EPHA5: variants seen among roughly 807,000 people sequenced by gnomAD.
EPHA5 encodes ephrin type-A receptor 5.
In EPHA5, 60 loss-of-function variants were observed where a neutral mutation model predicts 105.0. That is an observed-to-expected ratio of 0.57 (90% CI 0.46 to 0.71). The LOEUF is 0.71. EPHA5 is among the 30% of genes least tolerant of loss of function. EPHA5 has a pLI of 0.00. For missense variants in EPHA5, 1,218 were observed against 1,274.7 expected (o/e 0.96, Z 0.68); for synonymous variants, 513 against 449.1 (o/e 1.14, Z -1.80).
chr4:65,419,087 G>T (rs533206372), intron 6 of EPHA5, among the ~76,000 whole-genome samples: 13 of 151,664 alleles, frequency 8.6e-5, no homozygotes, highest in African/African-American at 2.4e-4. Context: ...GTTTCACTAC[G>T]TTGGGCAGGC....
chr4:65,515,632 A>G (rs149412426), intron 3 of EPHA5, among the ~76,000 whole-genome samples: 1 of 152,296 alleles, frequency 6.6e-6, no homozygotes, highest in East Asian at 1.9e-4. Context: ...AATAACTTGC[A>G]GTTAGTATAT....
intron 6 of EPHA5, among the ~76,000 whole-genome samples, chr4:65,418,564 T>TAC (rs1723615702): frequency 6.6e-6 from 1 of 152,182 alleles, no homozygotes; most frequent in South Asian, 2.1e-4. Context: ...TGTGTCATCA[T>TAC]TTATGTTTCG....
intron 8 of EPHA5, among the ~76,000 whole-genome samples, chr4:65,394,305 A>G (rs1721001538): frequency 6.6e-6 from 1 of 152,176 alleles, no homozygotes. Context: ...CTTCCCACAC[A>G]AAAGTTCAAA....
At chr4:65,381,600 T>A (rs1719569434) in intron 8 of EPHA5, among the ~76,000 whole-genome samples, 1 of 151,894 alleles carries the variant, frequency 6.6e-6, no homozygotes, top group African/African-American at 2.4e-5. Flanking sequence ...TGTTCACTTG[T>A]AATTAACACT....
intron 2 of EPHA5, among the ~76,000 whole-genome samples, chr4:65,641,214 T>A (rs1747633456): frequency 6.6e-6 from 1 of 152,180 alleles, no homozygotes; most frequent in African/African-American, 2.4e-5. Flanking sequence ...AATTTTGGCT[T>A]TTCAAGACTA....
intron 11 of EPHA5, among the ~76,000 whole-genome samples, chr4:65,361,698 T>G (rs960082035): frequency 6.6e-6 from 1 of 151,734 alleles, no homozygotes; most frequent in Non-Finnish European, 1.5e-5. Context: ...TGTAGTTGGA[T>G]GTTCTATCTC....
chr4:65,423,169 G>GT (rs1319316880), intron 5 of EPHA5, among the ~76,000 whole-genome samples: 5 of 152,064 alleles, frequency 3.3e-5, no homozygotes, highest in Non-Finnish European at 5.9e-5. Flanking sequence ...TTAATTTAAT[G>GT]TTTTTTCATG....
intron 3 of EPHA5, among the ~76,000 whole-genome samples, chr4:65,573,267 T>C (rs1204997163): frequency 2.0e-5 from 3 of 151,140 alleles, no homozygotes; most frequent in African/African-American, 4.9e-5. Flanking sequence ...AAAAATTAGC[T>C]GGGCGTGGTG....
chr4:65,512,766 C>T (rs28546764), intron 3 of EPHA5, among the ~76,000 whole-genome samples: 95,889 of 151,894 alleles, frequency 0.63, 32,176 homozygotes, highest in East Asian at 0.87. Flanking sequence ...CAGACTAATA[C>T]AACATTTTAA....
chr4:65,368,589 TA>T (rs1189396921), intron 8 of EPHA5, among the ~76,000 whole-genome samples: 1 of 152,154 alleles, frequency 6.6e-6, no homozygotes, highest in African/African-American at 2.4e-5. Flanking sequence ...TCCACATTAC[TA>T]TAAGTGCCTT....
chr4:65,633,001 T>C (rs930765623), intron 2 of EPHA5, among the ~76,000 whole-genome samples: 1 of 152,010 alleles, frequency 6.6e-6, no homozygotes, highest in Admixed American at 6.6e-5. Flanking sequence ...AGGGAAAGTA[T>C]TGGGGGATAT....
chr4:65,662,892 C>T (rs1749670729), intron 1 of EPHA5, among the ~76,000 whole-genome samples: 1 of 152,034 alleles, frequency 6.6e-6, no homozygotes, highest in Non-Finnish European at 1.5e-5. Flanking sequence ...ACCAAAATTC[C>T]AGGCAAGTTA....
At chr4:65,487,400 G>T (rs1171774750) in intron 5 of EPHA5, among the ~76,000 whole-genome samples, 1 of 152,126 alleles carries the variant, frequency 6.6e-6, no homozygotes, top group Non-Finnish European at 1.5e-5. Flanking sequence ...TTAGGGACCA[G>T]ACAACATTTG....
chr4:65,517,255 C>T (rs2149271316), intron 3 of EPHA5, among the ~76,000 whole-genome samples: 1 of 151,940 alleles, frequency 6.6e-6, no homozygotes, highest in East Asian at 1.9e-4. Context: ...TGTAATCTAT[C>T]TTTATCCAAT....
At chr4:65,369,488 C>T (rs986030513) in intron 8 of EPHA5, among the ~76,000 whole-genome samples, 5 of 151,934 alleles carry the variant, frequency 3.3e-5, no homozygotes, top group South Asian at 2.1e-4. Context: ...TACCGTGTGA[C>T]GTAAATGAAG....
chr4:65,540,392 AT>A (rs560543486), intron 3 of EPHA5, among the ~76,000 whole-genome samples: 2,076 of 149,776 alleles, frequency 0.014, 35 homozygotes, highest in African/African-American at 0.048. Context: ...ATCAGCAACC[AT>A]TTTTTTTTCC....
rs115336779 is a variant in EPHA5, at chr4:65,536,204, T to G, written c.911-40661A>C. ...TGGATCTATCGCTGCCCCACAGTGCTTTGAGCAGACAATTGCTCCATCCTA... is the reference window on the plus strand; with the variant it reads ...TGGATCTATCGCTGCCCCACAGTGCGTTGAGCAGACAATTGCTCCATCCTA... On this transcript the variant is annotated intron_variant, in intron 3 of 16. Coordinates refer to ENST00000613740, the MANE Select transcript of EPHA5 (RefSeq NM_001281766.3). 3.6e-3 allele frequency among the ~76,000 whole-genome samples: 551 copies of G among 152,068 alleles called. 5 individuals carry two copies. The highest frequency in any genetic ancestry group is 0.013 in the African/African-American group (530 of 41,548).
intron 3 of EPHA5, among the ~76,000 whole-genome samples, chr4:65,595,150 G>GA (rs201605652): frequency 0.012 from 1,395 of 116,656 alleles, 7 homozygotes; most frequent in African/African-American, 0.022. Context: ...CACCATTTCA[G>GA]AAAAAAAAAA....
chr4:65,491,431 A>T (rs1731388941), intron 4 of EPHA5, among the ~76,000 whole-genome samples: 2 of 152,098 alleles, frequency 1.3e-5, no homozygotes, highest in African/African-American at 4.8e-5. Context: ...AAAGGACTAC[A>T]ATAGGATGAA....
Sources: allele counts gnomAD v4.1 joint callset (sites outside exome capture counted in the v4.1 genomes callset), GRCh38; gene constraint gnomAD v4.1.1; transcripts MANE v1.5; gene names NCBI Gene and HGNC (gene_info 2026-07-23, HGNC 2026-07-21).